Variants in LRP5 observed in about 807,000 individuals in gnomAD.
LRP5 encodes the protein LDL receptor related protein 5, also known as low-density lipoprotein receptor-related protein 5.
In LRP5, 62 loss-of-function variants were observed where a neutral mutation model predicts 154.1. The ratio of observed to expected loss-of-function variants is 0.40; its 90% CI spans 0.33 to 0.50. LRP5 has a LOEUF of 0.50. LRP5 is among the 20% of genes least tolerant of loss of function. The pLI is 0.55. For missense variants in LRP5, 1,915 were observed against 2,336.7 expected, an observed-to-expected ratio of 0.82 and a Z score of 3.72; for synonymous variants, 966 against 1,011.5, an observed-to-expected ratio of 0.96 and a Z score of 0.85.
At chr11:68,382,846 G>A (rs1381296529) in intron 5 of LRP5, among the ~76,000 whole-genome samples, 3 of 151,864 alleles carry the variant, frequency 2.0e-5, no homozygotes, top group Admixed American at 2.0e-4. Context: ...TCAAGGGGTG[G>A]TGTGTGAAAA....
chr11:68,350,087 TGC>T (rs2098616980), intron 2 of LRP5, among the ~76,000 whole-genome samples: 1 of 152,172 alleles, frequency 6.6e-6, no homozygotes. Context: ...AGATCTTCTT[TGC>T]GCAATGGCAC....
chr11:68,310,019 T>C (rs2098586815), upstream of LRP5, among the ~76,000 whole-genome samples: 2 of 152,324 alleles, frequency 1.3e-5, no homozygotes, highest in South Asian at 2.1e-4. Flanking sequence ...AGGAAACACA[T>C]CAGGGAATAA....
At chr11:68,393,811 A>G (rs972110927) in intron 7 of LRP5, among the ~76,000 whole-genome samples, 1 of 152,122 alleles carries the variant, frequency 6.6e-6, no homozygotes, top group Non-Finnish European at 1.5e-5. Flanking sequence ...ATAAATAAAA[A>G]TTTATTAAAA....
At chr11:68,392,671 C>G (rs1190824245) in intron 7 of LRP5, among the ~76,000 whole-genome samples, 1 of 152,182 alleles carries the variant, frequency 6.6e-6, no homozygotes, top group Admixed American at 6.5e-5. Flanking sequence ...TCCCCTCTCT[C>G]CCAGCCTCTG....
intron 1 of LRP5, among the ~76,000 whole-genome samples, chr11:68,321,740 C>G (rs1258245399): frequency 6.6e-6 from 1 of 152,220 alleles, no homozygotes; most frequent in Non-Finnish European, 1.5e-5. Context: ...TTATCACTCC[C>G]CTCCCTAGTT....
intron 18 of LRP5, 54 bp from the exon 19 acceptor site, chr11:68,436,835 G>T: frequency 7.5e-7 from 1 of 1,338,808 alleles, no homozygotes; most frequent in South Asian, 1.2e-5. Flanking sequence ...TGCCCTGCAT[G>T]GTGGGCTGGG....
chr11:68,445,775 G>T (rs1360994239), intron 21 of LRP5: 1 of 747,348 alleles, frequency 1.3e-6, no homozygotes, highest in Non-Finnish European at 2.0e-6. Flanking sequence ...GACCTGGGGG[G>T]CACGTTCACG....
rs780548194 is a variant in LRP5, at chr11:68,425,142, A to C, written c.3277A>C (p.Ile1093Leu). The part of the protein sequence containing the change: ...FTNMQDRAAK[I>L]ERAALDGTER... ...CAACATGCAGGACCGGGCAGCCAAG[A>C]TCGAACGCGCAGCCCTGGACGGCAC... The change falls in exon 15 of 23, where the codon ATC becomes CTC. Residue 1093 changes from isoleucine to leucine, a missense_variant. Ile to Leu is a conservative substitution (Grantham distance 5, BLOSUM62 2). This residue lies in a region of LRP5 where 1,094 missense variants were observed against 1,210.1 expected (regional missense o/e 0.90). Transcript: ENST00000294304. 1.2e-6 allele frequency: 2 copies of C among 1,613,642 alleles called. No homozygotes were observed. The highest frequency in any genetic ancestry group is 1.6e-4 in the Middle Eastern group (1 of 6,062).
rs150257664 is a variant in LRP5 at position 68,420,954 on chromosome 11, C to T, written c.3028-2535C>T. 1.9e-4 allele frequency among the ~76,000 whole-genome samples: 29 copies of T among 152,264 alleles called. No homozygotes were observed. In the East Asian group the frequency reaches 2.9e-3, roughly 15 times the overall value. On this transcript the variant is annotated intron_variant, in intron 13 of 22. Coordinates refer to ENST00000294304, the MANE Select transcript of LRP5 (RefSeq NM_002335.4). ...AAAATGAAAGCTCAGGGGCCGGGCG[C>T]GGTGGCTCACGCCTGTAATCCCAGC...
At chr11:68,327,565 A>T (rs1306015131) in intron 1 of LRP5, among the ~76,000 whole-genome samples, 1 of 152,214 alleles carries the variant, frequency 6.6e-6, no homozygotes, top group Admixed American at 6.5e-5. Context: ...CACTGATCCC[A>T]CAAGTGTGAC....
chr11:68,392,593 A>G (rs1387206178), intron 7 of LRP5, among the ~76,000 whole-genome samples: 2 of 152,266 alleles, frequency 1.3e-5, no homozygotes, highest in African/African-American at 2.4e-5. Flanking sequence ...CTCTGCTACT[A>G]TCTACTTCTA....
In LRP5 at chr11:68,400,625, A is replaced by G. The variant is rs565637585; in HGVS notation, c.1585-2858A>G. Reference sequence around the variant, plus strand: ...CATGGTGGCGCCTGCCTATAATCCCAGCTAAGGCAGGAGAATCGCTTGAAC... The same window carrying G: ...CATGGTGGCGCCTGCCTATAATCCCGGCTAAGGCAGGAGAATCGCTTGAAC... On this transcript the variant is annotated intron_variant, in intron 7 of 22. Coordinates refer to ENST00000294304, the MANE Select transcript of LRP5 (RefSeq NM_002335.4). Among the ~76,000 whole-genome samples the G allele has an allele frequency of 2.8e-3, 420 of 152,252 alleles. 2 individuals carry two copies. Among genetic ancestry groups the G allele is most frequent in the African/African-American group, 9.7e-3 (402 of 41,550 alleles).
At chr11:68,445,165 T>C (rs1481480764) in intron 21 of LRP5, among the ~76,000 whole-genome samples, 1 of 152,150 alleles carries the variant, frequency 6.6e-6, no homozygotes, top group Non-Finnish European at 1.5e-5. Flanking sequence ...AGTGGTGCGA[T>C]CTCAACCCAC....
intron 14 of LRP5, among the ~76,000 whole-genome samples, chr11:68,424,106 G>T (rs937645908): frequency 6.6e-6 from 1 of 152,170 alleles, no homozygotes; most frequent in Admixed American, 6.5e-5. Flanking sequence ...CCTGTTGGTC[G>T]TCAGAGCTTC....
At chr11:68,379,871 C>G (rs951181637) in intron 5 of LRP5, among the ~76,000 whole-genome samples, 1 of 152,218 alleles carries the variant, frequency 6.6e-6, no homozygotes, top group Non-Finnish European at 1.5e-5. Context: ...GTGGCTCACG[C>G]CTGTAATCCC....
chr11:68,358,067 A>G (rs1448398565), intron 3 of LRP5, among the ~76,000 whole-genome samples: 1 of 151,822 alleles, frequency 6.6e-6, no homozygotes, highest in African/African-American at 2.4e-5. Context: ...CATTCTAAGT[A>G]GGGCAGAAAA....
intron 17 of LRP5, among the ~76,000 whole-genome samples, chr11:68,431,646 G>A (rs1253857711): frequency 1.3e-5 from 2 of 152,180 alleles, no homozygotes; most frequent in Non-Finnish European, 2.9e-5. Context: ...GAGTTTGGCC[G>A]TAAGCAGAGG....
intron 16 of LRP5, among the ~76,000 whole-genome samples, chr11:68,427,821 T>G (rs956611878): frequency 1.1e-4 from 17 of 152,158 alleles, no homozygotes; most frequent in Non-Finnish European, 2.1e-4. Flanking sequence ...TGTCATTTCT[T>G]CCACCTGGGT....
the LRP5 span, among the ~76,000 whole-genome samples, chr11:68,305,037 T>A: frequency 1.3e-5 from 2 of 151,940 alleles, no homozygotes; most frequent in African/African-American, 4.8e-5. Context: ...TTTTGCAATG[T>A]GAGAAGAACA....
Sources: gnomAD v4.1 joint callset for allele counts (sites outside exome capture counted in the v4.1 genomes callset) on GRCh38, gnomAD v4.1.1 for gene constraint, gnomAD v4.1.1 regional missense constraint, MANE v1.5 for transcripts, NCBI Gene and HGNC (gene_info 2026-07-23, HGNC 2026-07-21) for gene names.